The following TG variants were observed in gnomAD, a reference collection of about 807,000 sequenced individuals.
The protein encoded by TG is thyroglobulin, also known as thyroid hormones.
In TG, 270 loss-of-function variants were observed where a neutral mutation model predicts 324.7. That is an observed-to-expected ratio of 0.83 (90% confidence interval 0.75 to 0.92). The LOEUF (loss-of-function observed/expected upper bound fraction) is 0.92, where lower values mean the gene tolerates loss of function less well. Ranked by LOEUF, TG falls within the 40% of genes least tolerant of loss-of-function variation. The probability of loss-of-function intolerance (pLI) is 0.00; values close to 1 mark genes in which losing one functional copy is unlikely to be tolerated. For missense variants in TG, 3,591 were observed against 3,456.4 expected (o/e 1.04, Z -0.98); for synonymous variants, 1,401 against 1,327.0 (o/e 1.06, Z -1.21).
At chr8:133,089,091 G>T (rs980474487) in intron 41 of TG, among the ~76,000 whole-genome samples, 2 of 152,126 alleles carry the variant, frequency 1.3e-5, no homozygotes, top group African/African-American at 4.8e-5. Flanking sequence ...TCGGTGCGAG[G>T]GTGGAGACAT....
rs1399573753 is a variant in TG at position 133,093,057 on chromosome 8, C to A, written c.7240-1987C>A. ...CCTCTCTGCCTGCCTGTGGGCCCTT[C>A]TGCTGTTTGCTATTCAGAACACGGA... On this transcript the variant is annotated intron_variant, in intron 41 of 47. Coordinates refer to ENST00000220616, the MANE Select transcript of TG (RefSeq NM_003235.5). Among the ~76,000 whole-genome samples, 3 of 152,232 alleles carry A rather than the reference C, an allele frequency of 2.0e-5. No individual in the cohort carries two copies. In the East Asian group the frequency reaches 5.8e-4, roughly 29 times the overall value.
At chr8:133,098,138 C>G (rs759533460) in intron 43 of TG, among the ~76,000 whole-genome samples, 1 of 152,190 alleles carries the variant, frequency 6.6e-6, no homozygotes, top group Admixed American at 6.5e-5. Flanking sequence ...TTGGACAAGA[C>G]AACCATTCAG....
At position 132,920,760 on chromosome 8, in the gene TG, C is replaced by A. The variant is rs551594828; in HGVS notation, c.4528+1235C>A. Among the ~76,000 whole-genome samples, 3 of 152,330 alleles carry A rather than the reference C, an allele frequency of 2.0e-5. No individual in the cohort carries two copies. The East Asian group carries it at 5.8e-4, about 29-fold the overall frequency. On this transcript the variant is annotated intron_variant, in intron 21 of 47. Transcript: ENST00000220616. ...CAGACCAGGTTTGATCACCACTCTCCCTTCTTACTGGCACTGTGACCTAGA... is the reference window on the plus strand; with the variant it reads ...CAGACCAGGTTTGATCACCACTCTCACTTCTTACTGGCACTGTGACCTAGA...
Position 132,885,131 on chromosome 8 carries a change from G to GC in TG, c.1076-1317_1076-1316insC, listed in dbSNP as rs555557408. On this transcript the variant is annotated intron_variant, in intron 8 of 47. Transcript: ENST00000220616. ...GAGGAAAAAAATATTTTAAAAGTTGGGGGGGGGGCGTGGTGGTTAAAAGGT... is the reference window on the plus strand; with the variant it reads ...GAGGAAAAAAATATTTTAAAAGTTGGCGGGGGGGGCGTGGTGGTTAAAAGGT... 1.5e-3 allele frequency among the ~76,000 whole-genome samples: 223 copies of GC among 146,562 alleles called. 1 individual carries two copies. Among genetic ancestry groups the GC allele is most frequent in the African/African-American group, 5.4e-3 (216 of 40,080 alleles).
chr8:133,061,855 G>A (rs899520058), intron 41 of TG, among the ~76,000 whole-genome samples: 12 of 152,154 alleles, frequency 7.9e-5, no homozygotes, highest in Non-Finnish European at 1.5e-4. Flanking sequence ...AGGGAGGTCT[G>A]CACTGCTCCA....
intron 1 of TG, 58 bp downstream of exon 1, chr8:132,867,125 C>A: frequency 1.4e-6 from 2 of 1,473,168 alleles, no homozygotes; most frequent in African/African-American, 1.4e-5. Context: ...GTCAGCCAGG[C>A]TCTGCCCTGG....
intron 35 of TG, among the ~76,000 whole-genome samples, chr8:133,004,515 G>A (rs1019652395): frequency 1.3e-5 from 2 of 152,192 alleles, no homozygotes; most frequent in African/African-American, 4.8e-5. Context: ...GTCTGGGGGA[G>A]TATCCTGTGG....
At chr8:133,090,743 A>T (rs889495824) in intron 41 of TG, among the ~76,000 whole-genome samples, 4 of 152,328 alleles carry the variant, frequency 2.6e-5, no homozygotes, top group South Asian at 2.1e-4. Context: ...TCCATTTTAC[A>T]GGTTAGGAAC....
chr8:133,116,683 T>C lies in TG; in HGVS notation c.7829T>C (p.Met2610Thr). The stretch of plus-strand genomic sequence containing the variant: ...AAGAGGGCCCGAGGAAACGTCTTCA[T>C]GTACCATGCTCCTGAAAACTACGGC... ...WAKRARGNVF[M>T]YHAPENYGHG... The change falls in exon 45 of 48, where the codon ATG becomes ACG. Residue 2610 changes from methionine to threonine, a missense_variant. Coordinates refer to ENST00000220616, the MANE Select transcript of TG (RefSeq NM_003235.5). 6.2e-7 allele frequency: 1 copy of C among 1,614,262 alleles called. No individual in the cohort carries two copies. Among genetic ancestry groups the C allele is most frequent in the Non-Finnish European group, 8.5e-7 (1 of 1,180,046 alleles).
chr8:133,017,952 C>T lies in TG; in HGVS notation c.6737C>T (p.Pro2246Leu). The T allele has an allele frequency of 6.2e-7, 1 of 1,614,210 alleles. No homozygotes were observed. The highest frequency in any genetic ancestry group is 8.5e-7 in the Non-Finnish European group (1 of 1,180,044). ...CTGGCAGAGAGGCGCTTCCAGGCAC[C>T]AGAGCCCTTGAACTGGACAGGCTCC... ...PPLAERRFQAPEPLNWTGSWD... is the reference protein window; with the variant it reads ...PPLAERRFQALEPLNWTGSWD... Residue 2246 changes from proline (P) to leucine (L), a missense_variant, in exon 38 of 48, where the codon CCA becomes CTA. Coordinates refer to ENST00000220616, the MANE Select transcript of TG (RefSeq NM_003235.5).
At chr8:133,022,500 G>A (rs71526269) in intron 40 of TG, among the ~76,000 whole-genome samples, 10 of 152,112 alleles carry the variant, frequency 6.6e-5, no homozygotes, top group Admixed American at 3.3e-4. Context: ...GAACAGCAGG[G>A]CCAAGAATTG....
At chr8:132,870,960 CT>C (rs777068598) in intron 3 of TG, among the ~76,000 whole-genome samples, 28 of 152,158 alleles carry the variant, frequency 1.8e-4, no homozygotes, top group Non-Finnish European at 3.7e-4. Flanking sequence ...GGGACAAATG[CT>C]GAAACTGTAG....
At chr8:132,965,542 C>T (rs550071377) in intron 29 of TG, among the ~76,000 whole-genome samples, 1 of 152,362 alleles carries the variant, frequency 6.6e-6, no homozygotes, top group Admixed American at 6.5e-5. Context: ...TCTCCCTGAT[C>T]TGCATCTTGC....
intron 46 of TG, among the ~76,000 whole-genome samples, 176 bp downstream of exon 46, chr8:133,132,122 T>C (rs563441518): frequency 6.6e-6 from 1 of 152,326 alleles, no homozygotes; most frequent in East Asian, 1.9e-4. Flanking sequence ...AAAACTGCTT[T>C]TGCATACATT....
chr8:133,025,235 T>A (rs1741302140), intron 40 of TG, among the ~76,000 whole-genome samples: 1 of 152,128 alleles, frequency 6.6e-6, no homozygotes, highest in South Asian at 2.1e-4. Flanking sequence ...GGAGGAGCTA[T>A]CTCCCGCCTG....
chr8:132,901,453 A>G lies in TG; in HGVS notation c.3534A>G (p.Pro1178=), dbSNP rs150888797. ...GGGCAGAGGATGGGGGCTTTTCCCC[A>G]GTGCAATGTGACCAGGCCCAGGGCA... is the stretch of plus-strand genomic sequence containing the variant. ...ACRAEDGGFS[P]VQCDQAQGSC... is the part of the protein sequence containing the mutation. The change falls in exon 16 of 48, where the codon CCA becomes CCG. Residue 1178 remains proline, a synonymous_variant. Transcript: ENST00000220616. The G allele has an allele frequency of 4.8e-5, 77 of 1,614,066 alleles. No homozygotes were observed. In the African/African-American group the frequency reaches 9.6e-4, roughly 20 times the overall value.
chr8:132,887,279 G>T lies in TG; in HGVS notation c.1907G>T (p.Cys636Phe), dbSNP rs145612902. The change falls in exon 9 of 48, where the codon TGC (cysteine) becomes TTC (phenylalanine). Residue 636 changes from cysteine (C) to phenylalanine (F), a missense_variant. Transcript: ENST00000220616. ...GATGTCCAATGCTTTTCCGGAGAGT[G>T]CTGGTGTGTGAATTCCTGGGGCAAA... is the stretch of plus-strand genomic sequence containing the variant. ...YEDVQCFSGE[C>F]WCVNSWGKEL... 6.2e-7 allele frequency: 1 copy of T among 1,603,898 alleles called. No homozygotes were observed. The highest frequency in any genetic ancestry group is 8.5e-7 in the Non-Finnish European group (1 of 1,173,706).
intron 28 of TG, among the ~76,000 whole-genome samples, chr8:132,962,183 G>A (rs1258716136): frequency 6.6e-6 from 1 of 152,078 alleles, no homozygotes; most frequent in Non-Finnish European, 1.5e-5. Flanking sequence ...AAAATGAAAA[G>A]GAAGGTGTTT....
chr8:133,039,791 G>T (rs756150141), intron 41 of TG, among the ~76,000 whole-genome samples: 1 of 152,156 alleles, frequency 6.6e-6, no homozygotes, highest in Admixed American at 6.5e-5. Context: ...CACACACCTC[G>T]TGAGGCCTGA....
Sources: gnomAD v4.1 joint callset for allele counts (sites outside exome capture counted in the v4.1 genomes callset) on GRCh38, gnomAD v4.1.1 for gene constraint, MANE v1.5 for transcripts, NCBI Gene and HGNC (gene_info 2026-07-23, HGNC 2026-07-21) for gene names.